The following ST6GAL1 variants were observed in gnomAD, a reference collection of about 807,000 sequenced individuals.
The protein encoded by ST6GAL1 is beta-galactoside alpha-2,6-sialyltransferase 1.
ST6GAL1 carries 20 observed loss-of-function variants against 38.0 expected under a neutral mutation model. The ratio of observed to expected loss-of-function variants is 0.53; its 90% confidence interval spans 0.37 to 0.77. ST6GAL1 has a LOEUF of 0.77. ST6GAL1 is among the 30% of genes least tolerant of loss of function. The pLI is 0.00. For synonymous variants in ST6GAL1, 196 were observed against 188.2 expected (o/e 1.04, Z -0.34); for missense variants, 432 against 496.4 (o/e 0.87, Z 1.23).
chr3:186,947,164 C>G (rs934144129), intron 1 of ST6GAL1, among the ~76,000 whole-genome samples: 4 of 152,140 alleles, frequency 2.6e-5, no homozygotes, highest in Non-Finnish European at 4.4e-5. Context: ...GTGTGCACAG[C>G]ACACTAGATA....
chr3:187,064,042 A>G (rs1368698650), intron 5 of ST6GAL1, among the ~76,000 whole-genome samples: 2 of 152,114 alleles, frequency 1.3e-5, no homozygotes, highest in Non-Finnish European at 2.9e-5. Context: ...CTGTTTGCGA[A>G]TGACTCCACC....
chr3:187,059,496 A>G (rs902756723), intron 5 of ST6GAL1, among the ~76,000 whole-genome samples: 1 of 152,198 alleles, frequency 6.6e-6, no homozygotes, highest in Admixed American at 6.5e-5. Context: ...CTCTTAATTA[A>G]TTCATTCATT....
intron 2 of ST6GAL1, among the ~76,000 whole-genome samples, chr3:186,967,758 A>C (rs1250301637): frequency 1.3e-5 from 2 of 152,186 alleles, no homozygotes; most frequent in Non-Finnish European, 2.9e-5. Context: ...TCTTTCACTT[A>C]AGGAAATGGA....
intron 1 of ST6GAL1, among the ~76,000 whole-genome samples, chr3:186,932,560 C>T (rs182452937): frequency 9.2e-5 from 14 of 152,320 alleles, no homozygotes; most frequent in Admixed American, 7.8e-4. Context: ...CCTGGCTGCC[C>T]CTTCCCCTCA....
At chr3:187,070,277 G>A (rs563861778) in intron 5 of ST6GAL1, among the ~76,000 whole-genome samples, 7 of 152,108 alleles carry the variant, frequency 4.6e-5, no homozygotes, top group Admixed American at 3.3e-4. Flanking sequence ...AAGAAATAGC[G>A]AATGGATGCT....
chr3:187,022,443 G>T (rs1211302769), intron 2 of ST6GAL1, among the ~76,000 whole-genome samples: 1 of 152,162 alleles, frequency 6.6e-6, no homozygotes, highest in Non-Finnish European at 1.5e-5. Flanking sequence ...GTAGCTGAGA[G>T]AGTCAAGTTA....
intron 5 of ST6GAL1, among the ~76,000 whole-genome samples, chr3:187,068,455 T>G (rs1719248845): frequency 6.6e-6 from 1 of 152,110 alleles, no homozygotes; most frequent in South Asian, 2.1e-4. Context: ...ATTTAGCATC[T>G]CTATTTCTTT....
chr3:186,976,571 A>G (rs1220016673), intron 2 of ST6GAL1, among the ~76,000 whole-genome samples: 1 of 151,988 alleles, frequency 6.6e-6, no homozygotes, highest in East Asian at 1.9e-4. Flanking sequence ...CTGGAACTAC[A>G]GGCATGTGCC....
At chr3:187,074,880 A>G (rs577335749) in intron 7 of ST6GAL1, among the ~76,000 whole-genome samples, 2 of 152,322 alleles carry the variant, frequency 1.3e-5, no homozygotes, top group South Asian at 4.1e-4. Flanking sequence ...AGAAAACACA[A>G]TTAATGTAAA....
At chr3:186,941,753 C>G (rs758310651) in intron 1 of ST6GAL1, among the ~76,000 whole-genome samples, 6 of 152,114 alleles carry the variant, frequency 3.9e-5, no homozygotes, top group Admixed American at 3.9e-4. Flanking sequence ...TGGCTCATGC[C>G]TGTAATCCCA....
In ST6GAL1 at chr3:186,992,104, T is replaced by G. The variant is rs927244205; in HGVS notation, c.-183+28178T>G. ...CATAAATACCTTCCAAAATTCTAAA[T>G]GTAGTACATGACCATTGATATGGTT... is the stretch of plus-strand genomic sequence containing the variant. On this transcript the variant is annotated intron_variant, in intron 2 of 7. Transcript: ENST00000169298. Among the ~76,000 whole-genome samples the G allele has an allele frequency of 4.8e-4, 73 of 152,266 alleles. 1 individual carries two copies. The highest frequency in any genetic ancestry group is 1.7e-3 in the African/African-American group (71 of 41,530).
chr3:186,974,766 A>C (rs1378301238), intron 2 of ST6GAL1, among the ~76,000 whole-genome samples: 2 of 151,778 alleles, frequency 1.3e-5, no homozygotes, highest in Non-Finnish European at 2.9e-5. Context: ...TGCAAAGGGA[A>C]ATAAATAAAT....
chr3:186,969,425 G>A (rs1454234517), intron 2 of ST6GAL1, among the ~76,000 whole-genome samples: 1 of 152,186 alleles, frequency 6.6e-6, no homozygotes, highest in African/African-American at 2.4e-5. Context: ...AAACACTAAT[G>A]ATATTGAGCT....
At chr3:186,987,595 T>C (rs2108542838) in intron 2 of ST6GAL1, among the ~76,000 whole-genome samples, 1 of 152,354 alleles carries the variant, frequency 6.6e-6, no homozygotes, top group East Asian at 1.9e-4. Flanking sequence ...TTGAACGAAT[T>C]ACCTGAGGAA....
At chr3:187,028,873 A>G (rs1376450182) in intron 2 of ST6GAL1, among the ~76,000 whole-genome samples, 1 of 152,106 alleles carries the variant, frequency 6.6e-6, no homozygotes, top group Non-Finnish European at 1.5e-5. Context: ...AAAAACTGGA[A>G]TTGTGTATGA....
At chr3:187,057,071 C>T (rs906962801) in intron 5 of ST6GAL1, among the ~76,000 whole-genome samples, 2 of 152,228 alleles carry the variant, frequency 1.3e-5, no homozygotes, top group African/African-American at 4.8e-5. Flanking sequence ...ATCACTGATA[C>T]CCTTTCTTCC....
chr3:187,075,576 A>T lies in ST6GAL1; in HGVS notation c.994A>T (p.Met332Leu). Residue 332 changes from methionine (M) to leucine (L), a missense_variant, in exon 8 of 8, where the codon ATG becomes TTG. Coordinates refer to ENST00000169298, the MANE Select transcript of ST6GAL1 (RefSeq NM_173216.2). This position sits in a 1 kb window ranked among gnomAD's most constrained non-coding sequence, Gnocchi z 4.1. ...SSGMLGIIIM[M>L]TLCDQVDIYE... ...CCCCTCTCCAGGTATCATCATCATGATGACGCTGTGTGACCAGGTGGATAT... is the reference window on the plus strand; with the variant it reads ...CCCCTCTCCAGGTATCATCATCATGTTGACGCTGTGTGACCAGGTGGATAT... The T allele has an allele frequency of 6.2e-7, 1 of 1,614,146 alleles. No individual in the cohort carries two copies. The highest frequency in any genetic ancestry group is 8.5e-7 in the Non-Finnish European group (1 of 1,180,002).
At chr3:187,017,229 C>T (rs1441110192) in intron 2 of ST6GAL1, among the ~76,000 whole-genome samples, 1 of 152,186 alleles carries the variant, frequency 6.6e-6, no homozygotes, top group East Asian at 1.9e-4. Flanking sequence ...TGTTGCCCTT[C>T]CCTTCCCAGG....
At chr3:187,008,874 C>T (rs1425527310) in intron 2 of ST6GAL1, among the ~76,000 whole-genome samples, 3 of 151,808 alleles carry the variant, frequency 2.0e-5, no homozygotes, top group Non-Finnish European at 4.4e-5. Context: ...TCTGTCTCTT[C>T]CTTTCATGTG....
Sources: allele counts gnomAD v4.1 joint callset (sites outside exome capture counted in the v4.1 genomes callset), GRCh38; gene constraint gnomAD v4.1.1; non-coding constraint Gnocchi (gnomAD v3.1); transcripts MANE v1.5; gene names NCBI Gene and HGNC (gene_info 2026-07-23, HGNC 2026-07-21).